Variants in SAMD5 observed in about 807,000 individuals in gnomAD.
SAMD5 encodes the protein sterile alpha motif domain-containing protein 5.
SAMD5 carries 13 observed loss-of-function variants against 11.3 expected under a neutral mutation model. The ratio of observed to expected loss-of-function variants is 1.15; its 90% confidence interval spans 0.75 to 1.83. SAMD5 has a LOEUF of 1.83. Among genes scored for constraint, SAMD5 ranks in the 40% most tolerant of loss-of-function variants. SAMD5 has a pLI of 0.00. For synonymous variants in SAMD5, 129 were observed against 111.3 expected, an observed-to-expected ratio of 1.16 and a Z score of -1.00; for missense variants, 255 against 239.1, an observed-to-expected ratio of 1.07 and a Z score of -0.44.
chr6:147,927,785 T>C, the SAMD5 span, among the ~76,000 whole-genome samples: 1 of 152,182 alleles, frequency 6.6e-6, no homozygotes, highest in African/African-American at 2.4e-5. Flanking sequence ...TCATTCAGTA[T>C]GATGTTGGTG....
At chr6:147,847,930 T>C in the SAMD5 span, among the ~76,000 whole-genome samples, 2 of 152,306 alleles carry the variant, frequency 1.3e-5, no homozygotes, top group Non-Finnish European at 2.9e-5. Flanking sequence ...TTTTGACCAC[T>C]GGCAGGATAT....
chr6:147,841,323 G>T, the SAMD5 span, among the ~76,000 whole-genome samples: 1 of 152,068 alleles, frequency 6.6e-6, no homozygotes, highest in African/African-American at 2.4e-5. Flanking sequence ...TCAATAAACT[G>T]GGAACAACAA....
the SAMD5 span, among the ~76,000 whole-genome samples, chr6:147,814,047 G>T: frequency 2.6e-5 from 4 of 152,220 alleles, no homozygotes; most frequent in South Asian, 4.1e-4. Flanking sequence ...ATATTTTTCA[G>T]GGTCTATGCA....
At chr6:147,572,407 T>C (rs2128445461), downstream of SAMD5, among the ~76,000 whole-genome samples, 1 of 152,330 alleles carries the variant, frequency 6.6e-6, no homozygotes, top group South Asian at 2.1e-4. Context: ...AATAAAATTT[T>C]ATAAACTCAA....
At chr6:147,533,163 C>T (rs1181783155) in intron 1 of SAMD5, among the ~76,000 whole-genome samples, 1 of 152,068 alleles carries the variant, frequency 6.6e-6, no homozygotes, top group Non-Finnish European at 1.5e-5. Flanking sequence ...TCCACCAAGC[C>T]CCGGGGCAGG....
At chr6:147,914,858 G>A in the SAMD5 span, among the ~76,000 whole-genome samples, 2 of 152,174 alleles carry the variant, frequency 1.3e-5, no homozygotes, top group African/African-American at 2.4e-5. Flanking sequence ...GGATGAGAAT[G>A]ATAATCATGA....
chr6:147,618,275 G>A (rs1233022370), intron 1 of SAMD5, among the ~76,000 whole-genome samples: 1 of 152,186 alleles, frequency 6.6e-6, no homozygotes, highest in African/African-American at 2.4e-5. Flanking sequence ...AGGTTTGGAG[G>A]AAGGATAAGA....
the SAMD5 span, among the ~76,000 whole-genome samples, chr6:147,802,314 C>T: frequency 6.6e-6 from 1 of 151,724 alleles, no homozygotes; most frequent in African/African-American, 2.4e-5. Context: ...GGAAAGTGCT[C>T]AATATTGTTG....
chr6:147,604,108 C>CT (rs1202581414), intron 1 of SAMD5, among the ~76,000 whole-genome samples: 1 of 152,104 alleles, frequency 6.6e-6, no homozygotes, highest in African/African-American at 2.4e-5. Flanking sequence ...TGTTTTGTTT[C>CT]TAACACGAAG....
intron 1 of SAMD5, among the ~76,000 whole-genome samples, chr6:147,604,114 C>T (rs1478566574): frequency 1.3e-5 from 2 of 151,946 alleles, no homozygotes; most frequent in Non-Finnish European, 2.9e-5. Context: ...GTTTCTAACA[C>T]GAAGACTGAC....
At chr6:147,772,249 T>C in the SAMD5 span, among the ~76,000 whole-genome samples, 3 of 152,102 alleles carry the variant, frequency 2.0e-5, no homozygotes, top group Non-Finnish European at 4.4e-5. Flanking sequence ...GGAAAAGTAG[T>C]CTACATCAAA....
In SAMD5 at chr6:147,671,889, ATTTTTTTTTT is replaced by A. The variant is rs56865442; in HGVS notation, c.163-65414_163-65405del. On this transcript the variant is annotated intron_variant, in intron 1 of 1. Transcript: ENST00000566741. ...TTTCTTCTCATTTTTCTTTTTCAGG[ATTTTTTTTTT>A]TTTTTTTTTTTTTAGCTCATCTTGC... 6.1e-5 allele frequency among the ~76,000 whole-genome samples: 6 copies of A among 98,062 alleles called. No individual in the cohort carries two copies. In the East Asian group the frequency reaches 1.5e-3, roughly 24 times the overall value. 64.3% of individuals were successfully genotyped at this position (98,062 alleles called of 152,430 possible).
the SAMD5 span, among the ~76,000 whole-genome samples, chr6:147,805,276 G>A: frequency 6.6e-6 from 1 of 152,200 alleles, no homozygotes; most frequent in African/African-American, 2.4e-5. Flanking sequence ...GCAGCAGCTT[G>A]GAAGTGCCCA....
chr6:147,796,342 G>C, the SAMD5 span, among the ~76,000 whole-genome samples: 3 of 151,960 alleles, frequency 2.0e-5, no homozygotes, highest in Admixed American at 1.3e-4. Context: ...CCTATTGCTT[G>C]TTTTTCTCAG....
intron 1 of SAMD5, among the ~76,000 whole-genome samples, chr6:147,559,677 T>C (rs987768131): frequency 1.4e-4 from 22 of 152,296 alleles, no homozygotes; most frequent in African/African-American, 5.3e-4. Context: ...GGATGACATT[T>C]GGGTAGTTGC....
Position 147,566,049 on chromosome 6 carries a change from T to C in SAMD5, c.*1593T>C, listed in dbSNP as rs966529071. On this transcript the variant is annotated 3_prime_UTR_variant, in exon 2 of 2. Coordinates refer to ENST00000367474, the MANE Select transcript of SAMD5 (RefSeq NM_001030060.3). ...GTCCATTTTGGTTCCTAAGAATAGA[T>C]AGGCCATTAAGAAGGATATTAGGTT... 2.0e-6 allele frequency: 2 copies of C among 984,950 alleles called. No individual in the cohort carries two copies. The highest frequency in any genetic ancestry group is 3.5e-5 in the African/African-American group (2 of 57,352). 61.0% of individuals were successfully genotyped at this position (984,950 alleles called of 1,614,324 possible).
At chr6:147,938,128 T>G in the SAMD5 span, among the ~76,000 whole-genome samples, 1 of 152,232 alleles carries the variant, frequency 6.6e-6, no homozygotes, top group Non-Finnish European at 1.5e-5. Context: ...AGTAGGAGAT[T>G]AATCTATATC....
chr6:147,720,338 C>T (rs989775280), intron 1 of SAMD5, among the ~76,000 whole-genome samples: 1 of 152,180 alleles, frequency 6.6e-6, no homozygotes, highest in African/African-American at 2.4e-5. Flanking sequence ...TGGCGGGCTC[C>T]TGTAGTCCCA....
At chr6:147,758,192 A>C in the SAMD5 span, among the ~76,000 whole-genome samples, 1 of 152,230 alleles carries the variant, frequency 6.6e-6, no homozygotes, top group African/African-American at 2.4e-5. Flanking sequence ...AGTTATTAAA[A>C]AGTGGCAGCT....
Sources: gnomAD v4.1 joint callset for allele counts (sites outside exome capture counted in the v4.1 genomes callset) on GRCh38, gnomAD v4.1.1 for gene constraint, MANE v1.5 for transcripts, NCBI Gene and HGNC (gene_info 2026-07-23, HGNC 2026-07-21) for gene names.